Variants in CYP2S1 observed in about 807,000 individuals in gnomAD.
CYP2S1 encodes the protein cytochrome P450 2S1.
CYP2S1 carries 32 observed loss-of-function variants against 43.5 expected under a neutral mutation model. The observed-to-expected ratio is 0.74, with a 90% CI of 0.56 to 0.99. The LOEUF is 0.99. CYP2S1 is among the 50% of genes least tolerant of loss of function. CYP2S1 has a pLI of 0.00. For missense variants in CYP2S1, 575 were observed against 673.9 expected (o/e 0.85, Z 1.62); for synonymous variants, 283 against 302.9 (o/e 0.93, Z 0.68).
intron 5 of CYP2S1, 130 bp from the exon 6 acceptor site, chr19:41,201,101 C>T: frequency 7.8e-7 from 1 of 1,279,558 alleles, no homozygotes; most frequent in Admixed American, 2.8e-5. Flanking sequence ...TACTTCCCAA[C>T]CTTCCCAAAA....
chr19:41,195,397 A>G (rs2033398619), intron 2 of CYP2S1, among the ~76,000 whole-genome samples: 1 of 152,130 alleles, frequency 6.6e-6, no homozygotes, highest in South Asian at 2.1e-4. Context: ...AGTAACTAAG[A>G]CAGCACCGGT....
Position 41,207,409 on chromosome 19 carries a change from G to A in CYP2S1, c.*921G>A, listed in dbSNP as rs2033598696. ...GGCGTCAGAGTCCCCACTAGACCCA[G>A]TGGAAGGGGTTAGAGACCAAGTAGG... On this transcript the variant is annotated 3_prime_UTR_variant, in exon 9 of 9. Transcript: ENST00000310054. 1 of 157,402 alleles carries A rather than the reference G, an allele frequency of 6.4e-6. No homozygotes were observed. Among genetic ancestry groups the A allele is most frequent in the Non-Finnish European group, 1.4e-5 (1 of 70,794 alleles). The allele number at this position is 157,402 out of a possible 1,614,324, so 9.8% of individuals were successfully genotyped here.
intron 7 of CYP2S1, among the ~76,000 whole-genome samples, chr19:41,205,425 T>G (rs867229844): frequency 0.43 from 46,109 of 108,278 alleles, 9,520 homozygotes; most frequent in African/African-American, 0.69. Context: ...TCTTTCTCTC[T>G]CTCTCTCTTT....
In CYP2S1 at chr19:41,207,170, A is replaced by G. The variant is rs966386061; in HGVS notation, c.*682A>G. 1 of 272,820 alleles carries G rather than the reference A, an allele frequency of 3.7e-6. No homozygotes were observed. The highest frequency in any genetic ancestry group is 7.2e-6 in the Non-Finnish European group (1 of 138,338). The allele number at this position is 272,820 out of a possible 1,614,324, so 16.9% of individuals were successfully genotyped here. On this transcript the variant is annotated 3_prime_UTR_variant, in exon 9 of 9. Transcript: ENST00000310054. ...AGTCCCCAGCCACCTCTGCAACTGCAGCCCTCAGTCACCCCTTTTTAAGCA... is the reference window on the plus strand; with the variant it reads ...AGTCCCCAGCCACCTCTGCAACTGCGGCCCTCAGTCACCCCTTTTTAAGCA...
intron 7 of CYP2S1, among the ~76,000 whole-genome samples, chr19:41,205,314 A>G (rs530320687): frequency 1.4e-5 from 2 of 138,474 alleles, no homozygotes; most frequent in Non-Finnish European, 3.2e-5. Flanking sequence ...TGCCTTAACT[A>G]CTATTCTTTG....
chr19:41,206,139 C>A (rs372837086), intron 8 of CYP2S1, 40 bp downstream of exon 8: 2 of 1,609,482 alleles, frequency 1.2e-6, no homozygotes, highest in South Asian at 2.2e-5. Context: ...CAGGTGCTGG[C>A]GAACTCCAGG....
At position 41,206,337 on chromosome 19, in the gene CYP2S1, C is replaced by T; in HGVS notation, c.1364C>T (p.Thr455Ile). 6.2e-7 allele frequency: 1 copy of T among 1,614,146 alleles called. No homozygotes were observed. Among genetic ancestry groups the T allele is most frequent in the Non-Finnish European group, 8.5e-7 (1 of 1,180,028 alleles). ...LAKAELFLFF[T>I]TILQAFSLES... The stretch of plus-strand genomic sequence containing the variant: ...AAAGCGGAGCTCTTCCTCTTCTTCA[C>T]CACCATCCTACAAGCCTTCTCCCTG... Residue 455 changes from threonine (T) to isoleucine (I), a missense_variant, in exon 9 of 9, where the codon ACC becomes ATC. Coordinates refer to ENST00000310054, the MANE Select transcript of CYP2S1 (RefSeq NM_030622.8).
Position 41,198,472 on chromosome 19 carries a change from C to T in CYP2S1, c.504C>T (p.Phe168=), listed in dbSNP as rs200642106. The T allele has an allele frequency of 3.7e-6, 6 of 1,613,950 alleles. No homozygotes were observed. Among genetic ancestry groups the T allele is most frequent in the East Asian group, 4.5e-5 (2 of 44,864 alleles). ...CCCCATTCCCCCCAGGACGCCCATT[C>T]GATCCCTCCCTGCTGCTGGCCCAGG... The part of the protein sequence containing the change: ...ETFQGTEGRP[F]DPSLLLAQAT... Residue 168 remains phenylalanine (F), a synonymous_variant, in exon 4 of 9, where the codon TTC becomes TTT. Coordinates refer to ENST00000310054, the MANE Select transcript of CYP2S1 (RefSeq NM_030622.8). The surrounding 1 kb of genome is among the most constrained non-coding windows in gnomAD (Gnocchi z 4.9).
chr19:41,205,398 T>C (rs12985986), intron 7 of CYP2S1, among the ~76,000 whole-genome samples: 1,520 of 77,910 alleles, frequency 0.02, 29 homozygotes, highest in African/African-American at 0.082. Flanking sequence ...CTCTCTTTCT[T>C]TCTCTCTTTC....
chr19:41,196,776 C>G (rs2033418186), intron 2 of CYP2S1, among the ~76,000 whole-genome samples: 1 of 152,054 alleles, frequency 6.6e-6, no homozygotes, highest in African/African-American at 2.4e-5. Flanking sequence ...TGGTGCAGTT[C>G]CATCCTCCTC....
At chr19:41,197,699 CAAA>C in intron 2 of CYP2S1, 77 bp from the exon 3 acceptor site, 12 of 1,333,308 alleles carry the variant, frequency 9.0e-6, no homozygotes, top group Non-Finnish European at 1.2e-5. Context: ...GATTCCGTCT[CAAA>C]AAAAAAAAGA....
chr19:41,203,690 C>T (rs1270268800), intron 7 of CYP2S1, 53 bp downstream of exon 7: 6 of 1,445,936 alleles, frequency 4.1e-6, no homozygotes, highest in Admixed American at 2.6e-5. Flanking sequence ...GGCCTGAGCC[C>T]GGGTGGTTTG....
At position 41,193,449 on chromosome 19, in the gene CYP2S1, G is replaced by A. The variant is rs1412325342; in HGVS notation, c.177+8G>A. On this transcript the variant is annotated splice_region_variant and intron_variant, in intron 1 of 8. Coordinates refer to ENST00000310054, the MANE Select transcript of CYP2S1 (RefSeq NM_030622.8). ...TATTCAGGGCTCATGCGGGTAAGGG[G>A]CTCTGGGGACGTCCTGGCTAGGGGT... is the stretch of plus-strand genomic sequence containing the variant. 8 of 1,433,642 alleles carry A rather than the reference G, an allele frequency of 5.6e-6. No homozygotes were observed. The highest frequency in any genetic ancestry group is 6.4e-6 in the Non-Finnish European group (7 of 1,089,424). 88.8% of individuals were successfully genotyped at this position (1,433,642 alleles called of 1,614,324 possible).
chr19:41,194,762 T>A, intron 2 of CYP2S1, 53 bp downstream of exon 2: 1 of 1,572,402 alleles, frequency 6.4e-7, no homozygotes, highest in South Asian at 1.2e-5. Context: ...CACTTACTGG[T>A]GTGTGACCTT....
intron 5 of CYP2S1, among the ~76,000 whole-genome samples, chr19:41,200,829 G>C (rs139406099): frequency 6.6e-6 from 1 of 152,162 alleles, no homozygotes; most frequent in African/African-American, 2.4e-5. Flanking sequence ...GTGAAACGAC[G>C]CAGCCCTGTG....
chr19:41,194,019 G>T (rs2033376641), intron 1 of CYP2S1, among the ~76,000 whole-genome samples: 1 of 152,108 alleles, frequency 6.6e-6, no homozygotes, highest in Non-Finnish European at 1.5e-5. Context: ...AAGAAAGAAG[G>T]CAGAGGCAGC....
Position 41,193,447 on chromosome 19 carries a change from G to A in CYP2S1, c.177+6G>A. On this transcript the variant is annotated splice_donor_region_variant and intron_variant, in intron 1 of 8. Coordinates refer to ENST00000310054, the MANE Select transcript of CYP2S1 (RefSeq NM_030622.8). ...TGTATTCAGGGCTCATGCGGGTAAG[G>A]GGCTCTGGGGACGTCCTGGCTAGGG... 7.0e-7 allele frequency: 1 copy of A among 1,434,584 alleles called. No homozygotes were observed. Among genetic ancestry groups the A allele is most frequent in the Non-Finnish European group, 9.2e-7 (1 of 1,089,872 alleles). 88.9% of individuals were successfully genotyped at this position (1,434,584 alleles called of 1,614,324 possible). A position where few individuals can be genotyped will look rare whatever the true frequency, so the allele number is the denominator to read the frequency against.
At position 41,206,697 on chromosome 19, in the gene CYP2S1, A is replaced by G. The variant is rs768952616; in HGVS notation, c.*209A>G. On this transcript the variant is annotated 3_prime_UTR_variant, in exon 9 of 9. Coordinates refer to ENST00000310054, the MANE Select transcript of CYP2S1 (RefSeq NM_030622.8). ...AACCGCACACCCATACACAACTACAAGGGCCACAAAGCAACTGCTGGGTTA... is the reference window on the plus strand; with the variant it reads ...AACCGCACACCCATACACAACTACAGGGGCCACAAAGCAACTGCTGGGTTA... 2 of 774,228 alleles carry G rather than the reference A, an allele frequency of 2.6e-6. No individual in the cohort carries two copies. Among genetic ancestry groups the G allele is most frequent in the South Asian group, 1.4e-5 (1 of 73,946 alleles). 48.0% of individuals were successfully genotyped at this position (774,228 alleles called of 1,614,324 possible). A position where few individuals can be genotyped will look rare whatever the true frequency, so the allele number is the denominator to read the frequency against.
At position 41,203,450 on chromosome 19, in the gene CYP2S1, A is replaced by C; in HGVS notation, c.977A>C (p.Lys326Thr). The change falls in exon 7 of 9, where the codon AAG (lysine) becomes ACG (threonine). Residue 326 changes from lysine (K) to threonine (T), a missense_variant and splice_region_variant. By Grantham distance (78) the Lys-to-Thr change is moderately conservative. Coordinates refer to ENST00000310054, the MANE Select transcript of CYP2S1 (RefSeq NM_030622.8). ...ACTCCTGCCCTCCTCTTGCTTGCAG[A>C]GTGGGTACGTGAGGAGCTGAATCGG... The part of the protein sequence containing the change: ...LLLMKYPHVQ[K>T]WVREELNREL... 6.3e-7 allele frequency: 1 copy of C among 1,597,278 alleles called. No homozygotes were observed. Among genetic ancestry groups the C allele is most frequent in the Non-Finnish European group, 8.5e-7 (1 of 1,171,590 alleles).
Sources: gnomAD v4.1 joint callset for allele counts (sites outside exome capture counted in the v4.1 genomes callset) on GRCh38, gnomAD v4.1.1 for gene constraint, Gnocchi (gnomAD v3.1) non-coding constraint, MANE v1.5 for transcripts, NCBI Gene and HGNC (gene_info 2026-07-23, HGNC 2026-07-21) for gene names.